Variants in IGF1 observed in about 807,000 individuals in gnomAD.
IGF1 encodes insulin-like growth factor 1.
Under a neutral mutation model 13.8 loss-of-function variants are expected in IGF1, and 4 were observed. That is an observed-to-expected ratio of 0.29 (90% CI 0.14 to 0.66). The LOEUF (loss-of-function observed/expected upper bound fraction) is 0.66, where lower values mean the gene tolerates loss of function less well. Among genes scored for constraint, IGF1 ranks in the 30% least tolerant of loss-of-function variants. The pLI, the probability that IGF1 is intolerant of heterozygous loss-of-function variation, is 0.78. For synonymous variants in IGF1, 76 were observed against 72.6 expected (o/e 1.05, Z -0.23); for missense variants, 124 against 188.5 (o/e 0.66, Z 2.00).
intron 2 of IGF1, among the ~76,000 whole-genome samples, chr12:102,432,506 A>G (rs1876826521): frequency 6.6e-6 from 1 of 152,240 alleles, no homozygotes; most frequent in South Asian, 2.1e-4. Context: ...AATTTAATCA[A>G]CAAAGCAGAG....
chr12:102,418,111 A>C, intron 3 of IGF1: 2 of 1,194,826 alleles, frequency 1.7e-6, no homozygotes, highest in Non-Finnish European at 2.3e-6. Context: ...GACAGCACTC[A>C]TGCTGGAGAG....
intron 2 of IGF1, among the ~76,000 whole-genome samples, chr12:102,429,850 C>T (rs959647736): frequency 4.6e-5 from 7 of 152,324 alleles, no homozygotes; most frequent in South Asian, 2.1e-4. Context: ...TCTGGCCAAC[C>T]GCTCACTTCT....
chr12:102,439,861 G>A (rs1285998015), intron 2 of IGF1, among the ~76,000 whole-genome samples: 1 of 152,168 alleles, frequency 6.6e-6, no homozygotes, highest in African/African-American at 2.4e-5. Context: ...CATCTCTTCT[G>A]AGGACTAGAC....
At chr12:102,473,809 A>G (rs529804973) in intron 2 of IGF1, among the ~76,000 whole-genome samples, 18 of 152,300 alleles carry the variant, frequency 1.2e-4, no homozygotes, top group African/African-American at 4.3e-4. Context: ...CTGTGCAAAC[A>G]CTTATAAGTA....
In IGF1 at chr12:102,475,700, C is replaced by T; in HGVS notation, c.163G>A (p.Gly55Arg). 6.2e-7 allele frequency: 1 copy of T among 1,614,172 alleles called. No individual in the cohort carries two copies. The highest frequency in any genetic ancestry group is 1.3e-5 in the African/African-American group (1 of 75,044). ...SATAGPETLCGAELVDALQFV... is the reference protein window; with the variant it reads ...SATAGPETLCRAELVDALQFV... ...TGAAGAGCATCCACCAGCTCAGCCC[C>T]GCAGAGCGTCTCCGGTCCAGCCGTG... Residue 55 changes from glycine (G) to arginine (R), a missense_variant, in exon 2 of 4, where the codon GGG becomes AGG. Coordinates refer to ENST00000337514, the MANE Select transcript of IGF1 (RefSeq NM_000618.5).
chr12:102,416,248 C>T (rs1386205689), intron 3 of IGF1, among the ~76,000 whole-genome samples: 2 of 152,186 alleles, frequency 1.3e-5, no homozygotes, highest in East Asian at 3.9e-4. Flanking sequence ...TAGAGAACTT[C>T]CGTCTTGTAC....
At chr12:102,436,632 C>T (rs1447163491) in intron 2 of IGF1, among the ~76,000 whole-genome samples, 1 of 152,142 alleles carries the variant, frequency 6.6e-6, no homozygotes, top group Admixed American at 6.5e-5. Context: ...AGGGAATATA[C>T]CACTGATGAT....
intron 2 of IGF1, among the ~76,000 whole-genome samples, chr12:102,422,858 T>A (rs1676681829): frequency 6.6e-6 from 1 of 152,192 alleles, no homozygotes; most frequent in Non-Finnish European, 1.5e-5. Context: ...GGTAGGTGAA[T>A]GAAAAACAAA....
chr12:102,407,427 T>G (rs1208407550), intron 3 of IGF1, among the ~76,000 whole-genome samples: 1 of 152,248 alleles, frequency 6.6e-6, no homozygotes, highest in African/African-American at 2.4e-5. Context: ...GCATATATTT[T>G]CTTGTTTCCT....
At chr12:102,445,268 G>C (rs1489885823) in intron 2 of IGF1, among the ~76,000 whole-genome samples, 1 of 152,122 alleles carries the variant, frequency 6.6e-6, no homozygotes, top group Admixed American at 6.6e-5. Flanking sequence ...TTCTAATTCT[G>C]TGAAGAAAGT....
intron 2 of IGF1, among the ~76,000 whole-genome samples, chr12:102,459,252 A>G (rs987776399): frequency 4.6e-5 from 7 of 152,200 alleles, no homozygotes; most frequent in Admixed American, 1.3e-4. Context: ...CTTACTGTCA[A>G]ATTGGGGAGT....
chr12:102,434,219 T>A (rs1877008165), intron 2 of IGF1, among the ~76,000 whole-genome samples: 1 of 149,880 alleles, frequency 6.7e-6, no homozygotes, highest in Non-Finnish European at 1.5e-5. Flanking sequence ...TACATATGTA[T>A]ACATGTGCCA....
chr12:102,447,296 C>T (rs1009993641), intron 2 of IGF1, among the ~76,000 whole-genome samples: 13 of 152,106 alleles, frequency 8.5e-5, no homozygotes, highest in Admixed American at 5.2e-4. Context: ...TTTTCTGTCT[C>T]GTTGATCTGC....
chr12:102,475,910 G>A, intron 1 of IGF1, 111 bp from the exon 2 acceptor site: 1 of 1,146,976 alleles, frequency 8.7e-7, no homozygotes, highest in Non-Finnish European at 1.3e-6. Flanking sequence ...CATTAATCAG[G>A]ACTACCCAGC....
chr12:102,472,808 A>G (rs1248624789), intron 2 of IGF1, among the ~76,000 whole-genome samples: 1 of 152,184 alleles, frequency 6.6e-6, no homozygotes, highest in Non-Finnish European at 1.5e-5. Context: ...CAGACACAAA[A>G]CAGACATCAA....
chr12:102,435,024 T>G (rs1055229982), intron 2 of IGF1, among the ~76,000 whole-genome samples: 1 of 152,222 alleles, frequency 6.6e-6, no homozygotes, highest in Non-Finnish European at 1.5e-5. Flanking sequence ...ATATAACAAT[T>G]AAAAATAATA....
intron 2 of IGF1, among the ~76,000 whole-genome samples, chr12:102,439,717 G>GC (rs1877541504): frequency 3.4e-5 from 2 of 59,258 alleles, no homozygotes; most frequent in Non-Finnish European, 7.6e-5. Context: ...GCTAGGAGAA[G>GC]GAAAAAAAAA....
At position 102,402,420 on chromosome 12, in the gene IGF1, T is replaced by A. The variant is rs1873757865; in HGVS notation, c.*87A>T. 1 of 778,416 alleles carries A rather than the reference T, an allele frequency of 1.3e-6. No homozygotes were observed. 48.2% of individuals were successfully genotyped at this position (778,416 alleles called of 1,614,324 possible). On this transcript the variant is annotated 3_prime_UTR_variant, in exon 4 of 4. Transcript: ENST00000337514. Reference sequence around the variant, plus strand: ...AAATGTTATCAAACTTATTTTTTGGTAGGTGTTCCAAAGTTTAACAGGTAA... The same window carrying A: ...AAATGTTATCAAACTTATTTTTTGGAAGGTGTTCCAAAGTTTAACAGGTAA...
chr12:102,465,781 A>G (rs982915924), intron 2 of IGF1, among the ~76,000 whole-genome samples: 16 of 152,094 alleles, frequency 1.1e-4, no homozygotes, highest in African/African-American at 3.9e-4. Context: ...TACTAAAAAT[A>G]CAAACATTAG....
Sources: gnomAD v4.1 joint callset for allele counts (sites outside exome capture counted in the v4.1 genomes callset) on GRCh38, gnomAD v4.1.1 for gene constraint, MANE v1.5 for transcripts, NCBI Gene and HGNC (gene_info 2026-07-23, HGNC 2026-07-21) for gene names.